Variants in PTPRD observed in about 807,000 individuals in gnomAD.
The protein encoded by PTPRD is protein tyrosine phosphatase receptor type D.
Under a neutral mutation model 214.5 loss-of-function variants are expected in PTPRD, and 34 were observed. The observed-to-expected ratio is 0.16, with a 90% CI of 0.12 to 0.21. PTPRD has a LOEUF of 0.21. Ranked by LOEUF, PTPRD falls within the 10% of genes least tolerant of loss-of-function variation. PTPRD has a pLI of 1.00. For synonymous variants in PTPRD, 1,128 were observed against 845.7 expected, an observed-to-expected ratio of 1.33 and a Z score of -5.79; for missense variants, 2,545 against 2,398.7, an observed-to-expected ratio of 1.06 and a Z score of -1.27.
intron 5 of PTPRD, among the ~76,000 whole-genome samples, chr9:9,832,969 T>C (rs1254745209): frequency 6.6e-6 from 1 of 151,932 alleles, no homozygotes; most frequent in Admixed American, 6.6e-5. Flanking sequence ...TATTTTATAC[T>C]TGTGGGAAAA....
intron 6 of PTPRD, among the ~76,000 whole-genome samples, chr9:9,747,182 G>A (rs569129824): frequency 1.3e-5 from 2 of 152,174 alleles, no homozygotes; most frequent in Non-Finnish European, 1.5e-5. Context: ...ACTCTGAGCA[G>A]GAGCCACTGA....
intron 3 of PTPRD, among the ~76,000 whole-genome samples, chr9:10,331,825 C>G (rs1171861939): frequency 6.6e-6 from 1 of 151,796 alleles, no homozygotes; most frequent in Non-Finnish European, 1.5e-5. Context: ...AACTCATGAT[C>G]ACTTTCAGTT....
At chr9:9,968,804 C>T (rs546713146) in intron 4 of PTPRD, among the ~76,000 whole-genome samples, 134 of 152,184 alleles carry the variant, frequency 8.8e-4, no homozygotes, top group African/African-American at 2.9e-3. Context: ...TTCAGTTTGG[C>T]ATTAGAGAAC....
intron 10 of PTPRD, among the ~76,000 whole-genome samples, chr9:9,054,394 T>G (rs564297578): frequency 6.6e-6 from 1 of 152,344 alleles, no homozygotes; most frequent in South Asian, 2.1e-4. Context: ...TTGGTATTAT[T>G]CAGTGAGTGC....
At chr9:9,664,437 G>T (rs2096676922) in intron 7 of PTPRD, among the ~76,000 whole-genome samples, 1 of 151,552 alleles carries the variant, frequency 6.6e-6, no homozygotes, top group Non-Finnish European at 1.5e-5. Context: ...GAATTCAATG[G>T]TCGTAAGAAA....
In PTPRD at chr9:8,486,116, C is replaced by T. The variant is rs139325672; in HGVS notation, c.2701G>A (p.Val901Met). Residue 901 changes from valine to methionine, a missense_variant, in exon 28 of 46, where the codon GTG (valine) becomes ATG (methionine). Physicochemically the swap from Val to Met is conservative, Grantham distance 21. Coordinates refer to ENST00000381196, the MANE Select transcript of PTPRD (RefSeq NM_002839.4). ...TTCACCATCTCCTCCCCAAAGCCCA[C>T]TTTGTTTCTGGCTGAGAGCCTGAAG... ...YVFRLSARNKVGFGEEMVKEI... is the reference protein window; with the variant it reads ...YVFRLSARNKMGFGEEMVKEI... 5.0e-6 allele frequency: 8 copies of T among 1,614,072 alleles called. No homozygotes were observed. The highest frequency in any genetic ancestry group is 6.8e-6 in the Non-Finnish European group (8 of 1,180,044).
At position 9,841,367 on chromosome 9, in the gene PTPRD, CT is replaced by C. The variant is rs535077151; in HGVS notation, c.-367-74517del. ...CTAGCTATATAACTTGTGCAAGTTACTTTTTTTTCTAAGTCTTCTGTTCCTG... is the reference window on the plus strand; with the variant it reads ...CTAGCTATATAACTTGTGCAAGTTACTTTTTTTCTAAGTCTTCTGTTCCTG... On this transcript the variant is annotated intron_variant, in intron 5 of 45. Transcript: ENST00000381196. Among the ~76,000 whole-genome samples the C allele has an allele frequency of 2.6e-5, 4 of 151,962 alleles. No individual in the cohort carries two copies. In the East Asian group the frequency reaches 5.8e-4, roughly 22 times the overall value.
Position 9,316,686 on chromosome 9 carries a change from T to C in PTPRD, c.-203+80763A>G, listed in dbSNP as rs539476831. ...GTAGCATGAAATTAAGTGAGCAAAA[T>C]TGGATGCATGGAATGATGCCCAGCA... is the stretch of plus-strand genomic sequence containing the variant. On this transcript the variant is annotated intron_variant, in intron 9 of 45. Coordinates refer to ENST00000381196, the MANE Select transcript of PTPRD (RefSeq NM_002839.4). Among the ~76,000 whole-genome samples the C allele has an allele frequency of 2.4e-4, 37 of 152,216 alleles. 1 individual carries two copies. The South Asian group carries it at 7.0e-3, about 29-fold the overall frequency.
At chr9:8,376,804 G>A in intron 37 of PTPRD, 78 bp from the exon 38 acceptor site, 5 of 1,572,008 alleles carry the variant, frequency 3.2e-6, no homozygotes, top group Non-Finnish European at 3.5e-6. Context: ...TGCTGTTGAA[G>A]GAAAACAGCT....
At chr9:10,558,130 G>A (rs1489711362) in intron 2 of PTPRD, among the ~76,000 whole-genome samples, 1 of 152,096 alleles carries the variant, frequency 6.6e-6, no homozygotes, top group Non-Finnish European at 1.5e-5. Flanking sequence ...CTAATATGCT[G>A]AAAGAGTGCC....
chr9:9,937,579 C>G (rs1244719933), intron 5 of PTPRD, among the ~76,000 whole-genome samples: 3 of 152,058 alleles, frequency 2.0e-5, no homozygotes, highest in Non-Finnish European at 4.4e-5. Flanking sequence ...CATTAAATCA[C>G]AAGATACAGA....
chr9:10,568,695 G>T (rs1375641169), intron 2 of PTPRD, among the ~76,000 whole-genome samples: 1 of 152,076 alleles, frequency 6.6e-6, no homozygotes, highest in African/African-American at 2.4e-5. Flanking sequence ...TTAATAAATG[G>T]TGCTGGGAAA....
chr9:8,837,578 C>T (rs1456347012), intron 11 of PTPRD, among the ~76,000 whole-genome samples: 1 of 152,100 alleles, frequency 6.6e-6, no homozygotes, highest in Non-Finnish European at 1.5e-5. Context: ...TCGTGGTGAG[C>T]CTCAACTGCC....
At chr9:10,374,538 C>G (rs2097691443) in intron 2 of PTPRD, among the ~76,000 whole-genome samples, 1 of 151,996 alleles carries the variant, frequency 6.6e-6, no homozygotes, top group Non-Finnish European at 1.5e-5. Flanking sequence ...GAGCCACACT[C>G]AGATGCCTCA....
At chr9:9,820,343 G>T (rs891187644) in intron 5 of PTPRD, among the ~76,000 whole-genome samples, 1 of 151,886 alleles carries the variant, frequency 6.6e-6, no homozygotes, top group African/African-American at 2.4e-5. Context: ...GCTGTTTTTG[G>T]TTGTTCAATT....
intron 12 of PTPRD, among the ~76,000 whole-genome samples, chr9:8,726,430 A>G (rs1442183419): frequency 2.0e-5 from 3 of 150,996 alleles, no homozygotes; most frequent in Non-Finnish European, 3.0e-5. Flanking sequence ...CTACAAAAAA[A>G]TATAAAAATT....
intron 21 of PTPRD, among the ~76,000 whole-genome samples, chr9:8,514,801 C>T (rs907198484): frequency 6.6e-6 from 1 of 152,140 alleles, no homozygotes; most frequent in Admixed American, 6.6e-5. Flanking sequence ...CAAATCTCTT[C>T]TCAAACTGTA....
chr9:8,664,461 A>G (rs2097130664), intron 12 of PTPRD, among the ~76,000 whole-genome samples: 1 of 152,210 alleles, frequency 6.6e-6, no homozygotes, highest in Non-Finnish European at 1.5e-5. Context: ...ATACAAGGCA[A>G]GCACCCATCC....
At chr9:9,654,092 T>C (rs1364387727) in intron 7 of PTPRD, among the ~76,000 whole-genome samples, 1 of 152,136 alleles carries the variant, frequency 6.6e-6, no homozygotes, top group East Asian at 1.9e-4. Context: ...TGGGCTGGGT[T>C]CTGATAATTC....
Sources: allele counts gnomAD v4.1 joint callset (sites outside exome capture counted in the v4.1 genomes callset), GRCh38; gene constraint gnomAD v4.1.1; transcripts MANE v1.5; gene names NCBI Gene and HGNC (gene_info 2026-07-23, HGNC 2026-07-21).